USO1: variants seen among roughly 807,000 people sequenced by gnomAD.
USO1 encodes the protein general vesicular transport factor p115.
In USO1, 57 loss-of-function variants were observed where a neutral mutation model predicts 124.5. The ratio of observed to expected loss-of-function variants is 0.46; its 90% CI spans 0.37 to 0.57. The LOEUF (loss-of-function observed/expected upper bound fraction) is 0.57, where lower values mean the gene tolerates loss of function less well. Ranked by LOEUF, USO1 falls within the 20% of genes least tolerant of loss-of-function variation. The pLI, the probability that USO1 is intolerant of heterozygous loss-of-function variation, is 0.00. For missense variants in USO1, 900 were observed against 1,040.6 expected, an observed-to-expected ratio of 0.86 and a Z score of 1.86; for synonymous variants, 369 against 362.8, an observed-to-expected ratio of 1.02 and a Z score of -0.19.
At chr4:75,771,007 G>A in intron 6 of USO1, 75 bp from the exon 7 acceptor site, 1 of 1,597,382 alleles carries the variant, frequency 6.3e-7, no homozygotes, top group Non-Finnish European at 8.5e-7. Flanking sequence ...TGGTGTGTTA[G>A]TAAATTGTTA....
chr4:75,812,451 A>T, intron 23 of USO1, 76 bp downstream of exon 23: 1 of 1,500,130 alleles, frequency 6.7e-7, no homozygotes, highest in Non-Finnish European at 8.9e-7. Context: ...TTAATGTAAC[A>T]TGGAAAAGTT....
chr4:75,792,349 G>A (rs925948736), intron 12 of USO1, among the ~76,000 whole-genome samples: 6 of 151,994 alleles, frequency 3.9e-5, no homozygotes, highest in Admixed American at 6.6e-5. Context: ...CCAGCCTGGC[G>A]AACATGGTGA....
At chr4:75,725,135 C>G (rs1425270436) in intron 1 of USO1, among the ~76,000 whole-genome samples, 1 of 152,252 alleles carries the variant, frequency 6.6e-6, no homozygotes, top group Non-Finnish European at 1.5e-5. Context: ...GGCCCTGAAG[C>G]TCGGGCTAGG....
chr4:75,758,525 A>T (rs542120738), intron 4 of USO1, among the ~76,000 whole-genome samples: 8 of 152,354 alleles, frequency 5.3e-5, no homozygotes, highest in Non-Finnish European at 1.0e-4. Flanking sequence ...TAGTATTGAG[A>T]ACATCTGAAA....
intron 8 of USO1, among the ~76,000 whole-genome samples, chr4:75,781,995 G>A (rs1417480735): frequency 6.6e-6 from 1 of 152,094 alleles, no homozygotes; most frequent in African/African-American, 2.4e-5. Flanking sequence ...AACTGCCCTG[G>A]AGAGTATATG....
chr4:75,725,813 T>C (rs1249190357), intron 1 of USO1, among the ~76,000 whole-genome samples: 1 of 152,204 alleles, frequency 6.6e-6, no homozygotes, highest in African/African-American at 2.4e-5. Flanking sequence ...CTTTAATGGC[T>C]AACTTTGTTA....
intron 13 of USO1, among the ~76,000 whole-genome samples, chr4:75,798,392 G>C (rs1033838775): frequency 6.6e-6 from 1 of 152,182 alleles, no homozygotes; most frequent in Non-Finnish European, 1.5e-5. Flanking sequence ...AACTCGAGTA[G>C]TTGTAAGTTT....
At position 75,757,501 on chromosome 4, in the gene USO1, G is replaced by C; in HGVS notation, c.223G>C (p.Asp75His). 6.6e-7 allele frequency: 1 copy of C among 1,505,864 alleles called. No individual in the cohort carries two copies. Among genetic ancestry groups the C allele is most frequent in the Non-Finnish European group, 8.9e-7 (1 of 1,125,252 alleles). The allele number at this position is 1,505,864 out of a possible 1,614,324, so 93.3% of individuals were successfully genotyped here. A position where few individuals can be genotyped will look rare whatever the true frequency, so the allele number is the denominator to read the frequency against. ...GTAATAATTTCTTTTTTCCAGTTCA[G>C]ATTCTGAAATAATAGGTTATGCTTT... ...LIHVLQTDRS[D>H]SEIIGYALDT... Residue 75 changes from aspartate to histidine, a missense_variant, in exon 4 of 24, where the codon GAT becomes CAT. By Grantham distance (81) the Asp-to-His change is moderately conservative. Transcript: ENST00000514213.
At chr4:75,753,972 A>G (rs1240152010) in intron 3 of USO1, among the ~76,000 whole-genome samples, 2 of 151,606 alleles carry the variant, frequency 1.3e-5, no homozygotes, top group Non-Finnish European at 2.9e-5. Context: ...TATTTTTAGT[A>G]GAGACGGGGT....
intron 3 of USO1, among the ~76,000 whole-genome samples, chr4:75,756,858 ACT>A (rs1721461082): frequency 6.6e-6 from 1 of 151,654 alleles, no homozygotes; most frequent in Non-Finnish European, 1.5e-5. Flanking sequence ...GAAGAAAAAC[ACT>A]CTAGTAGTTG....
intron 7 of USO1, among the ~76,000 whole-genome samples, chr4:75,772,914 T>C (rs1035024689): frequency 3.3e-5 from 5 of 152,036 alleles, no homozygotes; most frequent in African/African-American, 1.2e-4. Flanking sequence ...CTGGTCAACA[T>C]GATGAAACCC....
chr4:75,770,387 T>C, intron 4 of USO1, 52 bp from the exon 5 acceptor site: 1 of 1,463,678 alleles, frequency 6.8e-7, no homozygotes, highest in Non-Finnish European at 9.1e-7. Context: ...TGAAAGGATA[T>C]TTTAAAATAA....
rs1382299355 is a variant in USO1, at chr4:75,806,536, A to G, written c.2340A>G (p.Ser780=). The change falls in exon 20 of 24, where the codon TCA becomes TCG. Residue 780 remains serine, a synonymous_variant. Transcript: ENST00000514213. The part of the protein sequence containing the change: ...GTNEQSSAIV[S]ARDSEQVAEL... ...ATGAACAGTCTTCAGCAATAGTTTC[A>G]GCTAGAGATTCTGAACAAGTTGCAG... The G allele has an allele frequency of 2.6e-6, 4 of 1,561,296 alleles. No individual in the cohort carries two copies. Among genetic ancestry groups the G allele is most frequent in the African/African-American group, 2.7e-5 (2 of 73,648 alleles).
At chr4:75,758,584 TA>T (rs1721507729) in intron 4 of USO1, among the ~76,000 whole-genome samples, 1 of 152,182 alleles carries the variant, frequency 6.6e-6, no homozygotes, top group Admixed American at 6.6e-5. Context: ...ATATCCTTTT[TA>T]AAAAACTTTT....
chr4:75,727,078 T>A (rs1189508990), intron 1 of USO1, among the ~76,000 whole-genome samples: 1 of 152,236 alleles, frequency 6.6e-6, no homozygotes, highest in East Asian at 1.9e-4. Context: ...GAACGAAGAA[T>A]ACCCTTTCCT....
intron 1 of USO1, among the ~76,000 whole-genome samples, chr4:75,738,367 G>A (rs1720856127): frequency 6.6e-6 from 1 of 151,954 alleles, no homozygotes; most frequent in African/African-American, 2.4e-5. Flanking sequence ...TGAGGCAGGA[G>A]GATTGCTGGA....
chr4:75,759,001 C>T (rs1721520361), intron 4 of USO1, among the ~76,000 whole-genome samples: 1 of 151,736 alleles, frequency 6.6e-6, no homozygotes, highest in African/African-American at 2.4e-5. Flanking sequence ...CCTTTTATCC[C>T]CCTTAGTTGT....
In USO1 at chr4:75,800,904, A is replaced by G. The variant is rs1336213921; in HGVS notation, c.1864+105A>G. ...GGTTATATGGTAACTCTAAAGGTAT[A>G]TTTTCTTCCTAGCTCTTGATCTGTA... On this transcript the variant is annotated intron_variant, in intron 16 of 23. Transcript: ENST00000514213. The G allele has an allele frequency of 2.1e-6, 3 of 1,462,204 alleles. No homozygotes were observed. In the Admixed American group the frequency reaches 7.8e-5, roughly 38 times the overall value. 90.6% of individuals were successfully genotyped at this position (1,462,204 alleles called of 1,614,324 possible).
rs762249831 is a variant in USO1, at chr4:75,774,652, A to G, written c.556-24A>G. The G allele has an allele frequency of 3.2e-6, 5 of 1,539,380 alleles. No individual in the cohort carries two copies. The South Asian group carries it at 4.7e-5, about 14-fold the overall frequency. On this transcript the variant is annotated intron_variant, in intron 7 of 23. Transcript: ENST00000514213. ...TGTCTCATAAATTTTGTACTCCACTAAACATTCTCTTTCTTCTCTATAGGG... is the reference window on the plus strand; with the variant it reads ...TGTCTCATAAATTTTGTACTCCACTGAACATTCTCTTTCTTCTCTATAGGG...
Sources: allele counts gnomAD v4.1 joint callset (sites outside exome capture counted in the v4.1 genomes callset), GRCh38; gene constraint gnomAD v4.1.1; transcripts MANE v1.5; gene names NCBI Gene and HGNC (gene_info 2026-07-23, HGNC 2026-07-21).